PKIG: variants seen among roughly 807,000 people sequenced by gnomAD.
PKIG encodes protein kinase (cAMP-dependent, catalytic) inhibitor gamma.
In PKIG, 1 loss-of-function variant was observed where a neutral mutation model predicts 6.8. The observed-to-expected ratio is 0.15, with a 90% CI of 0.05 to 0.69. The LOEUF (loss-of-function observed/expected upper bound fraction) is 0.69. Among genes scored for constraint, PKIG ranks in the 30% least tolerant of loss-of-function variants. PKIG has a pLI of 0.82. For missense variants in PKIG, 77 were observed against 104.0 expected (o/e 0.74, Z 1.13); for synonymous variants, 39 against 43.0 (o/e 0.91, Z 0.36).
At position 44,614,974 on chromosome 20, in the gene PKIG, C is replaced by G. The variant is rs1440205209; in HGVS notation, c.151+267C>G. Reference sequence around the variant, plus strand: ...CCCAGGTCCCTCCACTTCTCGCTATCCCCACAGCTATACCTGGCTCTGGCC... The same window carrying G: ...CCCAGGTCCCTCCACTTCTCGCTATGCCCACAGCTATACCTGGCTCTGGCC... On this transcript the variant is annotated intron_variant, in intron 3 of 3. Coordinates refer to ENST00000372886, the MANE Select transcript of PKIG (RefSeq NM_001281445.2). The surrounding 1 kb of genome is among the most constrained non-coding windows in gnomAD (Gnocchi z 4.6). Among the ~76,000 whole-genome samples, 4 of 152,194 alleles carry G rather than the reference C, an allele frequency of 2.6e-5. No homozygotes were observed. The highest frequency in any genetic ancestry group is 9.7e-5 in the African/African-American group (4 of 41,448).
intron 2 of PKIG, among the ~76,000 whole-genome samples, chr20:44,605,007 GAA>G (rs74585029): frequency 2.0e-5 from 3 of 148,648 alleles, no homozygotes; most frequent in Non-Finnish European, 4.5e-5. Flanking sequence ...AAAACAGCCA[GAA>G]AAAAAAAATC....
chr20:44,564,759 A>G (rs924414333), intron 1 of PKIG, among the ~76,000 whole-genome samples: 1 of 152,162 alleles, frequency 6.6e-6, no homozygotes, highest in African/African-American at 2.4e-5. Flanking sequence ...TTTGATCCCA[A>G]GTCCATCTCA....
At chr20:44,574,754 A>G (rs2064881860) in intron 1 of PKIG, among the ~76,000 whole-genome samples, 1 of 151,814 alleles carries the variant, frequency 6.6e-6, no homozygotes, top group Non-Finnish European at 1.5e-5. Flanking sequence ...TTTTATTTTT[A>G]GTAGAGACAG....
At chr20:44,543,330 G>C (rs1318756527) in intron 1 of PKIG, among the ~76,000 whole-genome samples, 2 of 139,438 alleles carry the variant, frequency 1.4e-5, no homozygotes, top group Non-Finnish European at 3.1e-5. Context: ...TTTTTTTTTT[G>C]CAAAAACCTG....
intron 1 of PKIG, among the ~76,000 whole-genome samples, chr20:44,549,302 G>A (rs150388380): frequency 6.6e-5 from 10 of 152,206 alleles, no homozygotes; most frequent in African/African-American, 2.4e-4. Flanking sequence ...CTCAAAATGA[G>A]CAATATCCTG....
At chr20:44,556,171 A>G (rs1036600741) in intron 1 of PKIG, among the ~76,000 whole-genome samples, 5 of 152,132 alleles carry the variant, frequency 3.3e-5, no homozygotes, top group African/African-American at 1.2e-4. Context: ...TTGCTGCTTT[A>G]TTACTCTGAA....
intron 1 of PKIG, among the ~76,000 whole-genome samples, chr20:44,585,779 T>C (rs574836070): frequency 6.6e-6 from 1 of 152,298 alleles, no homozygotes; most frequent in African/African-American, 2.4e-5. Context: ...CGCATTCCCC[T>C]GTGCCCTCTA....
chr20:44,547,186 T>G (rs1256599769), intron 1 of PKIG, among the ~76,000 whole-genome samples: 2 of 152,234 alleles, frequency 1.3e-5, no homozygotes, highest in African/African-American at 4.8e-5. Flanking sequence ...TAACACTTCC[T>G]TTGAATTCAT....
upstream of PKIG, among the ~76,000 whole-genome samples, chr20:44,578,955 T>C (rs561997481): frequency 1.3e-5 from 2 of 152,280 alleles, no homozygotes; most frequent in African/African-American, 2.4e-5. Context: ...GCAGATCACT[T>C]GAGCTCAGGA....
At chr20:44,598,286 C>T (rs553552424) in intron 2 of PKIG, among the ~76,000 whole-genome samples, 1 of 152,308 alleles carries the variant, frequency 6.6e-6, no homozygotes, top group East Asian at 1.9e-4. Flanking sequence ...CCTTTATAGC[C>T]TCATCTTGGA....
intron 1 of PKIG, among the ~76,000 whole-genome samples, chr20:44,558,701 TCTC>T (rs1222078035): frequency 6.6e-6 from 1 of 151,036 alleles, no homozygotes; most frequent in Non-Finnish European, 1.5e-5. Flanking sequence ...TTCTCTCTCT[TCTC>T]TTTCTTTCTT....
rs780911338 is a variant in PKIG at position 44,594,680 on chromosome 20, C to G, written c.-24+4814C>G. On this transcript the variant is annotated intron_variant, in intron 2 of 3. Coordinates refer to ENST00000372886, the MANE Select transcript of PKIG (RefSeq NM_001281445.2). ...CCTCCCCCATTCCCACCCCTCACCCCTCTTCGGCTCTGTCTCCTTGCAATG... is the reference window on the plus strand; with the variant it reads ...CCTCCCCCATTCCCACCCCTCACCCGTCTTCGGCTCTGTCTCCTTGCAATG... Among the ~76,000 whole-genome samples the G allele has an allele frequency of 1.8e-4, 27 of 152,324 alleles. No homozygotes were observed. In the South Asian group the frequency reaches 2.9e-3, roughly 16 times the overall value.
At chr20:44,569,176 A>G (rs949800362) in intron 1 of PKIG, among the ~76,000 whole-genome samples, 1 of 152,174 alleles carries the variant, frequency 6.6e-6, no homozygotes, top group Non-Finnish European at 1.5e-5. Flanking sequence ...TTTCACCTAC[A>G]TTTTCTCATA....
chr20:44,541,339 G>A (rs1271217049), intron 1 of PKIG, among the ~76,000 whole-genome samples: 1 of 152,132 alleles, frequency 6.6e-6, no homozygotes, highest in Non-Finnish European at 1.5e-5. Context: ...CCAGGCTGGA[G>A]TTACTGTGGT....
intron 2 of PKIG, among the ~76,000 whole-genome samples, chr20:44,603,210 C>T (rs2065136649): frequency 6.6e-6 from 1 of 152,068 alleles, no homozygotes. Flanking sequence ...TCTGTAGCAC[C>T]GTTAAACAGA....
chr20:44,569,400 T>TA (rs2123282660), intron 1 of PKIG, among the ~76,000 whole-genome samples: 1 of 152,228 alleles, frequency 6.6e-6, no homozygotes, highest in African/African-American at 2.4e-5. Flanking sequence ...ATAAAACTAA[T>TA]ACATAGACAC....
chr20:44,543,956 CG>C (rs940775300), intron 1 of PKIG, among the ~76,000 whole-genome samples: 1 of 150,942 alleles, frequency 6.6e-6, no homozygotes, highest in Non-Finnish European at 1.5e-5. Flanking sequence ...CCCAGCTACT[CG>C]GGAGGCTGAG....
upstream of PKIG, among the ~76,000 whole-genome samples, chr20:44,580,270 C>T (rs2064936303): frequency 6.6e-6 from 1 of 152,092 alleles, no homozygotes; most frequent in Admixed American, 6.6e-5. Flanking sequence ...AGAAGGAAGC[C>T]CACATCTCTC....
chr20:44,566,609 G>A (rs1480219890), intron 1 of PKIG, among the ~76,000 whole-genome samples: 1 of 152,130 alleles, frequency 6.6e-6, no homozygotes, highest in Non-Finnish European at 1.5e-5. Context: ...ACTTTGGGAG[G>A]CCGAGGCAGG....
Sources: allele counts gnomAD v4.1 joint callset (sites outside exome capture counted in the v4.1 genomes callset), GRCh38; gene constraint gnomAD v4.1.1; non-coding constraint Gnocchi (gnomAD v3.1); transcripts MANE v1.5; gene names NCBI Gene and HGNC (gene_info 2026-07-23, HGNC 2026-07-21).